MAP4K5: variants seen among roughly 807,000 people sequenced by gnomAD.
MAP4K5 encodes mitogen-activated protein kinase kinase kinase kinase 5.
Under a neutral mutation model 135.6 loss-of-function variants are expected in MAP4K5, and 82 were observed. That is an observed-to-expected ratio of 0.60 (90% CI 0.51 to 0.73). The LOEUF is 0.73. Among genes scored for constraint, MAP4K5 ranks in the 30% least tolerant of loss-of-function variants. MAP4K5 has a pLI of 0.00. For missense variants in MAP4K5, 907 were observed against 1,010.9 expected (o/e 0.90, Z 1.39); for synonymous variants, 347 against 335.0 (o/e 1.04, Z -0.39).
chr14:50,440,305 G>A, intron 22 of MAP4K5, 57 bp downstream of exon 22: 1 of 1,145,248 alleles, frequency 8.7e-7, no homozygotes, highest in Non-Finnish European at 1.3e-6. Flanking sequence ...TTAAAATTAA[G>A]ACACTTCTTT....
intron 3 of MAP4K5, among the ~76,000 whole-genome samples, chr14:50,498,365 T>C (rs1049214377): frequency 6.6e-6 from 1 of 152,204 alleles, no homozygotes; most frequent in Non-Finnish European, 1.5e-5. Flanking sequence ...ACTATAAAAA[T>C]GAGATAGAAA....
chr14:50,532,679 C>G (rs1336643130), upstream of MAP4K5: 3 of 152,462 alleles, frequency 2.0e-5, no homozygotes, highest in African/African-American at 7.2e-5. Context: ...CCCGAGCACT[C>G]CGGCCGCAGA....
In MAP4K5 at chr14:50,503,464, C is replaced by T. The variant is rs191970383; in HGVS notation, c.166+1336G>A. 2.6e-4 allele frequency among the ~76,000 whole-genome samples: 40 copies of T among 152,052 alleles called. 1 individual carries two copies. Among genetic ancestry groups the T allele is most frequent in the Admixed American group, 2.3e-3 (35 of 15,264 alleles). ...AGTCTTATGATCCTTGCATTTAATCCTTATATTTTAAGTAATCATACACAT... is the reference window on the plus strand; with the variant it reads ...AGTCTTATGATCCTTGCATTTAATCTTTATATTTTAAGTAATCATACACAT... On this transcript the variant is annotated intron_variant, in intron 3 of 32. Transcript: ENST00000682126.
intron 2 of MAP4K5, 173 bp from the exon 3 acceptor site, chr14:50,505,030 A>C: frequency 2.0e-6 from 1 of 489,052 alleles, no homozygotes; most frequent in East Asian, 3.5e-5. Context: ...AAAAATATAG[A>C]TAAGACACAA....
intron 28 of MAP4K5, among the ~76,000 whole-genome samples, chr14:50,434,149 GA>G (rs1566637108): frequency 2.6e-5 from 4 of 152,148 alleles, no homozygotes; most frequent in Admixed American, 1.3e-4. Context: ...TCACTGGTAA[GA>G]ACTAAGACTT....
intron 1 of MAP4K5, among the ~76,000 whole-genome samples, chr14:50,549,086 G>T (rs80107456): frequency 6.6e-6 from 1 of 152,020 alleles, no homozygotes; most frequent in East Asian, 1.9e-4. Context: ...TACAGGAGGT[G>T]CTTGGACCCA....
At chr14:50,456,459 G>T in intron 14 of MAP4K5, 57 bp downstream of exon 14, 1 of 1,220,426 alleles carries the variant, frequency 8.2e-7, no homozygotes, top group Non-Finnish European at 1.2e-6. Flanking sequence ...AAACATACAA[G>T]AACACGCAGC....
At chr14:50,560,536 G>A in intron 1 of MAP4K5, 1 of 572,358 alleles carries the variant, frequency 1.7e-6, no homozygotes, top group Non-Finnish European at 3.1e-6. Flanking sequence ...CGGGCCTCCA[G>A]CTCCTTCTTC....
At chr14:50,556,859 T>C (rs937701649) in intron 1 of MAP4K5, among the ~76,000 whole-genome samples, 12 of 152,248 alleles carry the variant, frequency 7.9e-5, no homozygotes, top group African/African-American at 2.9e-4. Flanking sequence ...TGTTCTATTA[T>C]ATGGATATAC....
At chr14:50,430,323 A>G (rs927058633) in intron 28 of MAP4K5, among the ~76,000 whole-genome samples, 1 of 152,220 alleles carries the variant, frequency 6.6e-6, no homozygotes, top group Non-Finnish European at 1.5e-5. Context: ...GAACTTGGTG[A>G]CCACTAATTT....
At chr14:50,470,586 G>T (rs1387125702) in intron 9 of MAP4K5, among the ~76,000 whole-genome samples, 4 of 151,264 alleles carry the variant, frequency 2.6e-5, no homozygotes, top group East Asian at 3.9e-4. Context: ...AAAAAATATG[G>T]AAGAAAACAA....
intron 28 of MAP4K5, among the ~76,000 whole-genome samples, chr14:50,432,357 T>G (rs2035989153): frequency 1.3e-5 from 2 of 152,116 alleles, no homozygotes; most frequent in African/African-American, 4.8e-5. Flanking sequence ...CACCTCTGCC[T>G]GAAGGTGACC....
At chr14:50,514,238 G>T in intron 2 of MAP4K5, among the ~76,000 whole-genome samples, 1 of 54,868 alleles carries the variant, frequency 1.8e-5, no homozygotes, top group African/African-American at 3.8e-5. Context: ...CACCAGGCCT[G>T]GCTAATTTTT....
rs554700533 is a variant in MAP4K5 at position 50,437,938 on chromosome 14, A to G, written c.1779T>C (p.Ala593=). 2.5e-6 allele frequency: 4 copies of G among 1,612,582 alleles called. No homozygotes were observed. In the African/African-American group the frequency reaches 5.3e-5, roughly 22 times the overall value. The change falls in exon 25 of 33, where the codon GCT becomes GCC. Residue 593 remains alanine, a synonymous_variant. Coordinates refer to ENST00000682126, the MANE Select transcript of MAP4K5 (RefSeq NM_006575.6). ...GAAACCTGTGAGTTTGAATATGGGC[A>G]GCTAATCCTGGTTTTTTGGCATGTT... The part of the protein sequence containing the change: ...LFEHAKKPGL[A]AHIQTHRFPD...
chr14:50,501,651 A>C (rs1349119470), intron 3 of MAP4K5, among the ~76,000 whole-genome samples: 1 of 152,122 alleles, frequency 6.6e-6, no homozygotes, highest in East Asian at 1.9e-4. Flanking sequence ...TGTATGCCAC[A>C]TAAATATAAA....
At chr14:50,434,637 A>C in intron 27 of MAP4K5, 66 bp from the exon 28 acceptor site, 5 of 1,404,234 alleles carry the variant, frequency 3.6e-6, no homozygotes, top group Non-Finnish European at 4.9e-6. Flanking sequence ...CCACTGTTGA[A>C]TAAAGTCAAC....
At chr14:50,548,174 T>C (rs941005939) in intron 1 of MAP4K5, among the ~76,000 whole-genome samples, 20 of 152,162 alleles carry the variant, frequency 1.3e-4, no homozygotes, top group African/African-American at 4.8e-4. Context: ...GAGCTGTCAC[T>C]GATAAGATAG....
At position 50,425,979 on chromosome 14, in the gene MAP4K5, T is replaced by C; in HGVS notation, c.2327-2A>G. On this transcript the variant is annotated splice_acceptor_variant, in intron 30 of 32. Transcript: ENST00000682126. LOFTEE classifies it high-confidence loss of function. ...CCAACACACTGTCTTGAAGGCATAC[T>C]AAAAATGATAAGGGAGAAGTGAAAC... The C allele has an allele frequency of 6.3e-7, 1 of 1,591,426 alleles. No homozygotes were observed.
chr14:50,438,164 G>A, intron 23 of MAP4K5, 70 bp from the exon 24 acceptor site: 1 of 662,812 alleles, frequency 1.5e-6, no homozygotes, highest in Non-Finnish European at 2.7e-6. Context: ...AAAACCCTCA[G>A]TTAATACTAT....
Sources: gnomAD v4.1 joint callset for allele counts (sites outside exome capture counted in the v4.1 genomes callset) on GRCh38, gnomAD v4.1.1 for gene constraint, MANE v1.5 for transcripts, NCBI Gene and HGNC (gene_info 2026-07-23, HGNC 2026-07-21) for gene names.